Variants in ZP1 observed in about 807,000 individuals in gnomAD.
ZP1 encodes the protein zona pellucida sperm-binding protein 1.
ZP1 carries 58 observed loss-of-function variants against 67.4 expected under a neutral mutation model. That is an observed-to-expected ratio of 0.86 (90% CI 0.70 to 1.07). ZP1 has a LOEUF of 1.07. ZP1 is among the 50% of genes least tolerant of loss of function. The pLI, the probability that ZP1 is intolerant of heterozygous loss-of-function variation, is 0.00. For missense variants in ZP1, 759 were observed against 807.3 expected, an observed-to-expected ratio of 0.94 and a Z score of 0.72; for synonymous variants, 333 against 332.7, an observed-to-expected ratio of 1.00 and a Z score of -0.01.
intron 4 of ZP1, 122 bp downstream of exon 4, chr11:60,870,597 C>T: frequency 7.4e-7 from 1 of 1,351,528 alleles, no homozygotes; most frequent in Non-Finnish European, 1.0e-6. Flanking sequence ...ACTCCCAGAG[C>T]AGATGGCAGA....
chr11:60,870,873 T>G, intron 4 of ZP1, 84 bp from the exon 5 acceptor site: 15 of 1,474,150 alleles, frequency 1.0e-5, no homozygotes, highest in Non-Finnish European at 1.4e-5. Context: ...AGACCGGCAC[T>G]TAAAGCCTGG....
Position 60,869,888 on chromosome 11 carries a change from C to G in ZP1, c.670C>G (p.Arg224Gly), listed in dbSNP as rs763577041. The G allele has an allele frequency of 2.6e-6, 4 of 1,558,802 alleles. No homozygotes were observed. The highest frequency in any genetic ancestry group is 2.6e-6 in the Non-Finnish European group (3 of 1,150,334). ...CTTGGAACACTGGGATGTGAACAAA[C>G]GAGATTACATAGGTACGCAGGACAT... ...GTLEHWDVNK[R>G]DYIGTHLSQE... Residue 224 changes from arginine to glycine, a missense_variant, in exon 3 of 12, where the codon CGA becomes GGA. Transcript: ENST00000278853.
rs770971972 is a variant in ZP1 at position 60,875,238 on chromosome 11, T to G, written c.1764T>G (p.Leu588=). 5.0e-6 allele frequency: 8 copies of G among 1,612,160 alleles called. No individual in the cohort carries two copies. The highest frequency in any genetic ancestry group is 6.8e-6 in the Non-Finnish European group (8 of 1,179,926). The change falls in exon 11 of 12, where the codon CTT becomes CTG. Residue 588 remains leucine, a synonymous_variant. Transcript: ENST00000278853. ...ATTCTTATGGGCAGGAGCCCACACT[T>G]GGGCCCACAGGTAGGAGGGCTTCTG... ...FEDSYGQEPT[L]GPTDSNGNSS... is the part of the protein sequence containing the mutation.
chr11:60,874,831 AG>A (rs1855668917), intron 9 of ZP1, 101 bp from the exon 10 acceptor site: 1 of 1,084,694 alleles, frequency 9.2e-7, no homozygotes, highest in Admixed American at 1.8e-5. Context: ...GGCTAGCAGC[AG>A]CCTAGACTTG....
In ZP1 at chr11:60,867,718, T is replaced by G; in HGVS notation, c.157T>G (p.Phe53Val). 1.2e-6 allele frequency: 2 copies of G among 1,614,018 alleles called. No individual in the cohort carries two copies. The highest frequency in any genetic ancestry group is 1.1e-5 in the South Asian group (1 of 91,050). ...GATCAAGGGAATGCAGCTGCTGGTG[T>G]TCCCCAGGCCAGGCCAGACTCTCCG... ...CGIKGMQLLV[F>V]PRPGQTLRFK... The change falls in exon 1 of 12, where the codon TTC (phenylalanine) becomes GTC (valine). Residue 53 changes from phenylalanine to valine, a missense_variant. Phe to Val is a conservative substitution (Grantham distance 50, BLOSUM62 -1). Transcript: ENST00000278853.
Position 60,869,403 on chromosome 11 carries a change from G to A in ZP1, c.319-134G>A, listed in dbSNP as rs536327748. ...GGTGGGTGAGGGAAACTAAGCTCTGGAAGGTACTTTCTGGAATCCACCATG... is the reference window on the plus strand; with the variant it reads ...GGTGGGTGAGGGAAACTAAGCTCTGAAAGGTACTTTCTGGAATCCACCATG... On this transcript the variant is annotated intron_variant, in intron 2 of 11. Transcript: ENST00000278853. 4.9e-3 allele frequency: 7,366 copies of A among 1,500,266 alleles called. 31 individuals are homozygous for A. Among genetic ancestry groups the A allele is most frequent in the Non-Finnish European group, 4.9e-3 (5,475 of 1,122,182 alleles). 92.9% of individuals were successfully genotyped at this position (1,500,266 alleles called of 1,614,324 possible).
intron 10 of ZP1, 38 bp from the exon 11 acceptor site, chr11:60,875,091 A>G: frequency 5.0e-6 from 8 of 1,613,500 alleles, no homozygotes; most frequent in Non-Finnish European, 6.8e-6. Context: ...CCACAGGGGC[A>G]GGAGACCAGC....
chr11:60,875,054 T>A, intron 10 of ZP1, 40 bp downstream of exon 10: 1 of 1,613,994 alleles, frequency 6.2e-7, no homozygotes, highest in Non-Finnish European at 8.5e-7. Context: ...CCTTTATACA[T>A]CTTCAGGCCT....
intron 6 of ZP1, among the ~76,000 whole-genome samples, chr11:60,872,109 C>T (rs1407825331): frequency 6.6e-6 from 1 of 152,178 alleles, no homozygotes; most frequent in Admixed American, 6.5e-5. Flanking sequence ...TGGTAGCTCA[C>T]GCCTATGATA....
intron 6 of ZP1, 137 bp from the exon 7 acceptor site, chr11:60,873,025 T>C (rs1855611270): frequency 2.1e-6 from 2 of 972,416 alleles, no homozygotes; most frequent in African/African-American, 3.2e-5. Flanking sequence ...TGCTGAGTAT[T>C]GCTTAAGTAG....
At position 60,875,287 on chromosome 11, in the gene ZP1, A is replaced by G. The variant is rs552607461; in HGVS notation, c.1774+39A>G. 2.9e-5 allele frequency: 46 copies of G among 1,584,662 alleles called. No individual in the cohort carries two copies. The East Asian group carries it at 9.6e-4, about 33-fold the overall frequency. ...TGGGTGGGCCCCTCAGGCCTTACCC[A>G]CTCTCAGCCCCCAAGATTGTGCTGA... is the stretch of plus-strand genomic sequence containing the variant. On this transcript the variant is annotated intron_variant, in intron 11 of 11. Transcript: ENST00000278853.
rs761515509 is a variant in ZP1, at chr11:60,869,761, C to A, written c.543C>A (p.Ser181Arg). ...TSQGSGHAFP[S>R]PLDPGHSSVH... The stretch of plus-strand genomic sequence containing the variant: ...AAGGCTCTGGCCATGCCTTTCCCAG[C>A]CCACTGGACCCAGGGCACAGCTCTG... Residue 181 changes from serine (S) to arginine (R), a missense_variant, in exon 3 of 12, where the codon AGC becomes AGA. Physicochemically the swap from Ser to Arg is moderately radical, Grantham distance 110. Coordinates refer to ENST00000278853, the MANE Select transcript of ZP1 (RefSeq NM_207341.4). 2 of 1,613,966 alleles carry A rather than the reference C, an allele frequency of 1.2e-6. No homozygotes were observed. The highest frequency in any genetic ancestry group is 4.5e-5 in the East Asian group (2 of 44,882).
intron 4 of ZP1, 90 bp from the exon 5 acceptor site, chr11:60,870,867 C>T (rs575479219): frequency 1.6e-5 from 23 of 1,410,356 alleles, no homozygotes; most frequent in African/African-American, 1.3e-4. Flanking sequence ...TCTCCTAGAC[C>T]GGCACTTAAA....
chr11:60,869,518 G>C lies in ZP1; in HGVS notation c.319-19G>C, dbSNP rs200478107. 514 of 1,585,832 alleles carry C rather than the reference G, an allele frequency of 3.2e-4. No homozygotes were observed. Among genetic ancestry groups the C allele is most frequent in the Non-Finnish European group, 3.9e-4 (454 of 1,163,036 alleles). On this transcript the variant is annotated intron_variant, in intron 2 of 11. Coordinates refer to ENST00000278853, the MANE Select transcript of ZP1 (RefSeq NM_207341.4). ...AGGTGGCCTCACCTTGCTGCTCTAT[G>C]ATGGCCTCTCACCTGCAGGATGGGC...
chr11:60,874,703 C>T (rs1450063358), intron 9 of ZP1, among the ~76,000 whole-genome samples: 1 of 152,264 alleles, frequency 6.6e-6, no homozygotes, highest in Non-Finnish European at 1.5e-5. Flanking sequence ...AGACTTGGAC[C>T]TTGGGGAGCA....
intron 10 of ZP1, 41 bp from the exon 11 acceptor site, chr11:60,875,088 G>C (rs766158236): frequency 6.2e-7 from 1 of 1,613,530 alleles, no homozygotes; most frequent in East Asian, 2.2e-5. Flanking sequence ...GGGCCACAGG[G>C]GCAGGAGACC....
chr11:60,871,079 A>G lies in ZP1; in HGVS notation c.949A>G (p.Thr317Ala), dbSNP rs767918749. 1.7e-5 allele frequency: 28 copies of G among 1,614,186 alleles called. No individual in the cohort carries two copies. The South Asian group carries it at 1.9e-4, about 11-fold the overall frequency. The stretch of plus-strand genomic sequence containing the variant: ...CTATGCCCCCACCAGCTGCTCCCCA[A>G]CACAGCACACGGAAGCTTTCGTGGT... The part of the protein sequence containing the change: ...LAYAPTSCSP[T>A]QHTEAFVVFY... Residue 317 changes from threonine to alanine, a missense_variant, in exon 5 of 12, where the codon ACA (threonine) becomes GCA (alanine). By Grantham distance (58) the Thr-to-Ala change is moderately conservative (BLOSUM62 0). Coordinates refer to ENST00000278853, the MANE Select transcript of ZP1 (RefSeq NM_207341.4).
chr11:60,868,030 A>ACTTCT (rs1855502049), intron 1 of ZP1, among the ~76,000 whole-genome samples: 1 of 112,320 alleles, frequency 8.9e-6, no homozygotes. Flanking sequence ...AAGCCTCTGC[A>ACTTCT]TTTCTTTTCT....
Position 60,875,170 on chromosome 11 carries a change from C to T in ZP1, c.1696C>T (p.Pro566Ser), listed in dbSNP as rs759405234. Residue 566 changes from proline to serine, a missense_variant, in exon 11 of 12, where the codon CCC (proline) becomes TCC (serine). Pro to Ser is a moderately conservative substitution (Grantham distance 74). Coordinates refer to ENST00000278853, the MANE Select transcript of ZP1 (RefSeq NM_207341.4). ...AGGTCACCGTAATGACACTGCCAGG[C>T]CCCAGGACATCGTGAGCTCTCCGGG... is the stretch of plus-strand genomic sequence containing the variant. ...SSGHRNDTAR[P>S]QDIVSSPGPV... 7 of 1,613,894 alleles carry T rather than the reference C, an allele frequency of 4.3e-6. No homozygotes were observed. In the Admixed American group the frequency reaches 1.0e-4, roughly 23 times the overall value.
Sources: allele counts gnomAD v4.1 joint callset (sites outside exome capture counted in the v4.1 genomes callset), GRCh38; gene constraint gnomAD v4.1.1; transcripts MANE v1.5; gene names NCBI Gene and HGNC (gene_info 2026-07-23, HGNC 2026-07-21).